SF3A3: variants seen among roughly 807,000 people sequenced by gnomAD.
SF3A3 encodes splicing factor 3a subunit 3.
Under a neutral mutation model 85.8 loss-of-function variants are expected in SF3A3, and 9 were observed. The observed-to-expected ratio is 0.10, with a 90% CI of 0.06 to 0.18. The LOEUF (loss-of-function observed/expected upper bound fraction) is 0.18, where lower values mean the gene tolerates loss of function less well. SF3A3 is among the 10% of genes least tolerant of loss of function. SF3A3 has a pLI of 1.00. For synonymous variants in SF3A3, 195 were observed against 204.4 expected (o/e 0.95, Z 0.39); for missense variants, 306 against 593.3 (o/e 0.52, Z 5.03).
chr1:37,978,895 G>A, intron 10 of SF3A3, 68 bp from the exon 11 acceptor site: 2 of 1,549,430 alleles, frequency 1.3e-6, no homozygotes, highest in Non-Finnish European at 1.8e-6. Flanking sequence ...TTTTTGCAGT[G>A]TGGAGCAACA....
intron 12 of SF3A3, among the ~76,000 whole-genome samples, chr1:37,975,679 C>T (rs1646374594): frequency 6.6e-6 from 1 of 152,136 alleles, no homozygotes; most frequent in South Asian, 2.1e-4. Context: ...TCTAGCTAGC[C>T]TTTTACTGAA....
intron 12 of SF3A3, among the ~76,000 whole-genome samples, chr1:37,973,868 T>C (rs540036254): frequency 1.3e-5 from 2 of 152,308 alleles, no homozygotes; most frequent in African/African-American, 2.4e-5. Context: ...TAAGAAAATG[T>C]TGCACATATA....
At chr1:37,972,235 A>G (rs778147911) in intron 12 of SF3A3, among the ~76,000 whole-genome samples, 19 of 152,354 alleles carry the variant, frequency 1.2e-4, no homozygotes, top group East Asian at 1.9e-4. Flanking sequence ...GAGCCAAATC[A>G]TGAGTGAACT....
intron 15 of SF3A3, among the ~76,000 whole-genome samples, chr1:37,963,562 CTTT>C (rs900596842): frequency 6.9e-6 from 1 of 144,594 alleles, no homozygotes. Flanking sequence ...AATGATAATT[CTTT>C]TTTTTTTTTG....
rs1454653611 is a variant in SF3A3 at position 37,960,168 on chromosome 1, G to T, written c.1380C>A (p.Ala460=). The change falls in exon 16 of 17, where the codon GCC becomes GCA. Residue 460 remains alanine (A), a synonymous_variant. Transcript: ENST00000373019. ...CTGAAGCCTTCTGCAATTTCAGTTT[G>T]GCCCACACTGCAGGATGAGAAATGA... ...TQIEDAVSLW[A]KLKLQKASER... is the part of the protein sequence containing the mutation. 1 of 1,613,812 alleles carries T rather than the reference G, an allele frequency of 6.2e-7. No homozygotes were observed. The highest frequency in any genetic ancestry group is 8.5e-7 in the Non-Finnish European group (1 of 1,179,942).
At chr1:37,960,053 T>C in intron 16 of SF3A3, 67 bp downstream of exon 16, 1 of 1,324,076 alleles carries the variant, frequency 7.6e-7, no homozygotes, top group Non-Finnish European at 1.1e-6. Context: ...TTCACCTCCT[T>C]TCTACATGGT....
At chr1:37,968,370 G>A (rs765892895) in intron 14 of SF3A3, among the ~76,000 whole-genome samples, 5 of 152,100 alleles carry the variant, frequency 3.3e-5, no homozygotes, top group Non-Finnish European at 7.4e-5. Flanking sequence ...CTAGATTCTA[G>A]ACCCAGTAGT....
intron 16 of SF3A3, 60 bp from the exon 17 acceptor site, chr1:37,958,323 A>T: frequency 8.6e-7 from 1 of 1,160,822 alleles, no homozygotes; most frequent in Non-Finnish European, 1.3e-6. Flanking sequence ...TTTGGAACCA[A>T]TCTCTAAGTA....
At position 37,958,927 on chromosome 1, in the gene SF3A3, A is replaced by G. The variant is rs1212020782; in HGVS notation, c.1429-664T>C. Among the ~76,000 whole-genome samples the G allele has an allele frequency of 2.1e-4, 32 of 152,246 alleles. 1 individual carries two copies. ...TGACCATCATAAGACCAACAAGGAC[A>G]TCTCCCTGTCGCTATGAGAGTATCA... On this transcript the variant is annotated intron_variant, in intron 16 of 16. Transcript: ENST00000373019.
At chr1:37,987,906 G>T in intron 2 of SF3A3, 70 bp from the exon 3 acceptor site, 1 of 1,276,554 alleles carries the variant, frequency 7.8e-7, no homozygotes, top group East Asian at 2.3e-5. Flanking sequence ...AAACAACAAG[G>T]GTTCTCCAGT....
intron 2 of SF3A3, among the ~76,000 whole-genome samples, 189 bp downstream of exon 2, chr1:37,989,359 C>A (rs1259651535): frequency 6.6e-6 from 1 of 152,104 alleles, no homozygotes; most frequent in South Asian, 2.1e-4. Flanking sequence ...CCCAAGAGTT[C>A]CCCATTCAGA....
chr1:37,989,306 A>AGAC (rs1334786623), intron 2 of SF3A3, among the ~76,000 whole-genome samples: 3 of 148,554 alleles, frequency 2.0e-5, no homozygotes, highest in Non-Finnish European at 4.4e-5. Flanking sequence ...AAGAAGAAGA[A>AGAC]GAAGAAAAAA....
At chr1:37,983,149 G>A (rs1646431460) in intron 6 of SF3A3, among the ~76,000 whole-genome samples, 1 of 150,538 alleles carries the variant, frequency 6.6e-6, no homozygotes, top group African/African-American at 2.4e-5. Flanking sequence ...TGTTGGTCAG[G>A]CTGGTCTTGA....
chr1:37,989,824 T>G (rs1034944714), intron 1 of SF3A3, 46 bp downstream of exon 1: 8 of 1,464,700 alleles, frequency 5.5e-6, no homozygotes, highest in South Asian at 1.1e-5. Context: ...AAACACGGGA[T>G]AGAGGCTCGT....
rs61363969 is a variant in SF3A3 at position 37,968,329 on chromosome 1, A to G, written c.1282-195T>C. On this transcript the variant is annotated intron_variant, in intron 14 of 16. Coordinates refer to ENST00000373019, the MANE Select transcript of SF3A3 (RefSeq NM_006802.4). Reference sequence around the variant, plus strand: ...GGGTGGTATTTCAAAGCAGCACTGCATTGTTTGCCTCACTGGGTTGGCTTG... The same window carrying G: ...GGGTGGTATTTCAAAGCAGCACTGCGTTGTTTGCCTCACTGGGTTGGCTTG... Among the ~76,000 whole-genome samples, 281 of 152,306 alleles carry G rather than the reference A, an allele frequency of 1.8e-3. 3 individuals carry two copies. The highest frequency in any genetic ancestry group is 6.5e-3 in the African/African-American group (271 of 41,548).
At position 37,982,740 on chromosome 1, in the gene SF3A3, T is replaced by C. The variant is rs139625000; in HGVS notation, c.469-929A>G. On this transcript the variant is annotated intron_variant, in intron 6 of 16. Coordinates refer to ENST00000373019, the MANE Select transcript of SF3A3 (RefSeq NM_006802.4). ...TACCTTTTTGCTGACTGAAAGATCA[T>C]GTTGTTTTATTTTCCATGTACCTAG... 8.4e-4 allele frequency among the ~76,000 whole-genome samples: 128 copies of C among 152,238 alleles called. 1 individual carries two copies. The highest frequency in any genetic ancestry group is 2.9e-3 in the African/African-American group (120 of 41,554).
intron 16 of SF3A3, 110 bp downstream of exon 16, chr1:37,960,010 C>A: frequency 7.5e-6 from 5 of 667,558 alleles, no homozygotes; most frequent in Non-Finnish European, 1.3e-5. Context: ...TTGTCACATT[C>A]TACTCGCTGC....
At chr1:37,969,510 T>C in intron 13 of SF3A3, 46 bp from the exon 14 acceptor site, 1 of 1,613,268 alleles carries the variant, frequency 6.2e-7, no homozygotes, top group Non-Finnish European at 8.5e-7. Context: ...GTTAGCCTAC[T>C]AAACTCTGTA....
chr1:37,981,836 G>A, intron 6 of SF3A3, 25 bp from the exon 7 acceptor site: 1 of 1,338,920 alleles, frequency 7.5e-7, no homozygotes, highest in Non-Finnish European at 1.1e-6. Flanking sequence ...GAAATGACAA[G>A]AAATTCAGTT....
Sources: gnomAD v4.1 joint callset for allele counts (sites outside exome capture counted in the v4.1 genomes callset) on GRCh38, gnomAD v4.1.1 for gene constraint, MANE v1.5 for transcripts, NCBI Gene and HGNC (gene_info 2026-07-23, HGNC 2026-07-21) for gene names.